MINDY2: variants seen among roughly 807,000 people sequenced by gnomAD.
MINDY2 encodes ubiquitin carboxyl-terminal hydrolase MINDY-2.
Under a neutral mutation model 68.2 loss-of-function variants are expected in MINDY2, and 52 were observed. That is an observed-to-expected ratio of 0.76 (90% confidence interval 0.61 to 0.96). MINDY2 has a LOEUF of 0.96. Among genes scored for constraint, MINDY2 ranks in the 40% least tolerant of loss-of-function variants. The pLI, the probability that MINDY2 is intolerant of heterozygous loss-of-function variation, is 0.00. For missense variants in MINDY2, 881 were observed against 773.4 expected, an observed-to-expected ratio of 1.14 and a Z score of -1.65; for synonymous variants, 372 against 303.0, an observed-to-expected ratio of 1.23 and a Z score of -2.36.
intron 1 of MINDY2, among the ~76,000 whole-genome samples, chr15:58,776,085 C>T (rs368546505): frequency 6.6e-6 from 1 of 152,138 alleles, no homozygotes; most frequent in East Asian, 1.9e-4. Flanking sequence ...GTCTCGAACT[C>T]CTGACCTCAG....
At chr15:58,842,119 A>G (rs201721647) in intron 6 of MINDY2, among the ~76,000 whole-genome samples, 4 of 151,950 alleles carry the variant, frequency 2.6e-5, no homozygotes, top group African/African-American at 7.3e-5. Context: ...CTCTTTTCCT[A>G]TTATGACTTC....
chr15:58,790,398 A>C (rs1404961949), intron 2 of MINDY2, among the ~76,000 whole-genome samples: 1 of 152,028 alleles, frequency 6.6e-6, no homozygotes, highest in African/African-American at 2.4e-5. Context: ...CACAAAGGGG[A>C]GTTGTAGGAG....
chr15:58,802,386 C>T lies in MINDY2; in HGVS notation c.963+9C>T. ...GTTTAAATTATGAACAGGTAATAAA[C>T]AGTTTTTGTTAAAGTATATAATTTT... On this transcript the variant is annotated intron_variant, in intron 3 of 8. Transcript: ENST00000559228. The T allele has an allele frequency of 6.5e-7, 1 of 1,539,316 alleles. No homozygotes were observed. The highest frequency in any genetic ancestry group is 8.8e-7 in the Non-Finnish European group (1 of 1,135,218).
chr15:58,780,162 T>C (rs1444777459), intron 1 of MINDY2, among the ~76,000 whole-genome samples: 1 of 152,110 alleles, frequency 6.6e-6, no homozygotes, highest in African/African-American at 2.4e-5. Flanking sequence ...CCCAGCACTT[T>C]GTGAGGCCGA....
intron 1 of MINDY2, among the ~76,000 whole-genome samples, chr15:58,782,809 A>G (rs1349570078): frequency 5.3e-5 from 8 of 151,622 alleles, no homozygotes; most frequent in African/African-American, 1.7e-4. Flanking sequence ...TATTCTTTGA[A>G]TGGAGGTAAT....
intron 8 of MINDY2, 89 bp downstream of exon 8, chr15:58,852,054 A>G (rs1402972183): frequency 1.2e-5 from 12 of 1,014,170 alleles, no homozygotes; most frequent in African/African-American, 1.7e-5. Flanking sequence ...TGGGAGGCTG[A>G]GGCAGGCAGA....
chr15:58,816,529 C>T (rs183693111), intron 4 of MINDY2, among the ~76,000 whole-genome samples: 1 of 152,166 alleles, frequency 6.6e-6, no homozygotes, highest in East Asian at 1.9e-4. Context: ...CCTCAGCCTC[C>T]CAAGTAGCTG....
chr15:58,852,836 G>A (rs1439987519), intron 8 of MINDY2, among the ~76,000 whole-genome samples: 1 of 148,786 alleles, frequency 6.7e-6, no homozygotes, highest in Non-Finnish European at 1.5e-5. Flanking sequence ...AAATTTAATG[G>A]TGGGATTCTA....
intron 2 of MINDY2, among the ~76,000 whole-genome samples, chr15:58,789,990 G>T (rs571028490): frequency 6.6e-6 from 1 of 151,994 alleles, no homozygotes; most frequent in South Asian, 2.1e-4. Flanking sequence ...TGTTTCCCAG[G>T]CTTGTCTTGA....
At chr15:58,809,435 C>A (rs533161461) in intron 3 of MINDY2, among the ~76,000 whole-genome samples, 234 of 151,952 alleles carry the variant, frequency 1.5e-3, no homozygotes, top group African/African-American at 5.1e-3. Context: ...GAATAATATT[C>A]CATTGTATGT....
intron 2 of MINDY2, among the ~76,000 whole-genome samples, chr15:58,791,105 A>AGGC (rs2140926753): frequency 6.7e-6 from 1 of 148,564 alleles, no homozygotes; most frequent in Admixed American, 6.8e-5. Context: ...GCTTGAACCC[A>AGGC]GGCGGCGGAG....
At chr15:58,830,199 C>T (rs189482368) in intron 5 of MINDY2, among the ~76,000 whole-genome samples, 1 of 152,264 alleles carries the variant, frequency 6.6e-6, no homozygotes, top group South Asian at 2.1e-4. Context: ...GAATGCTGAA[C>T]CACTGTCCCT....
At chr15:58,779,869 C>CT (rs1901022279) in intron 1 of MINDY2, among the ~76,000 whole-genome samples, 2 of 152,126 alleles carry the variant, frequency 1.3e-5, no homozygotes, top group South Asian at 2.1e-4. Context: ...TATGAGTAGT[C>CT]TTTTAGTTAA....
chr15:58,833,206 T>C (rs1196272544), intron 6 of MINDY2, among the ~76,000 whole-genome samples: 2 of 152,228 alleles, frequency 1.3e-5, no homozygotes, highest in African/African-American at 4.8e-5. Context: ...TAGCACTTCA[T>C]GCGTGGGGAT....
chr15:58,790,813 C>T (rs1166239639), intron 2 of MINDY2, among the ~76,000 whole-genome samples: 1 of 151,860 alleles, frequency 6.6e-6, no homozygotes, highest in Non-Finnish European at 1.5e-5. Context: ...AAAACTGAAG[C>T]AGGAAAAAAT....
chr15:58,836,952 G>A lies in MINDY2; in HGVS notation c.1368+5036G>A, dbSNP rs142500342. Reference sequence around the variant, plus strand: ...CATTCTTTATAAGGGTCAAAAGCACGTCTTCTTCACTGACCCAGTGACAGA... The same window carrying A: ...CATTCTTTATAAGGGTCAAAAGCACATCTTCTTCACTGACCCAGTGACAGA... On this transcript the variant is annotated intron_variant, in intron 6 of 8. Coordinates refer to ENST00000559228, the MANE Select transcript of MINDY2 (RefSeq NM_001040450.3). Among the ~76,000 whole-genome samples, 169 of 152,180 alleles carry A rather than the reference G, an allele frequency of 1.1e-3. 1 individual carries two copies. The East Asian group carries it at 0.031, about 28-fold the overall frequency.
At chr15:58,837,601 C>T (rs769667230) in intron 6 of MINDY2, among the ~76,000 whole-genome samples, 29 of 151,306 alleles carry the variant, frequency 1.9e-4, no homozygotes, top group Non-Finnish European at 2.9e-4. Flanking sequence ...ATCTACATTA[C>T]ATCTTCCATA....
chr15:58,796,734 G>A (rs1902311553), intron 2 of MINDY2, among the ~76,000 whole-genome samples: 1 of 152,174 alleles, frequency 6.6e-6, no homozygotes, highest in African/African-American at 2.4e-5. Context: ...TGTTGGCCGG[G>A]CTGGTCTTGA....
At chr15:58,831,021 G>T (rs1339106813) in intron 5 of MINDY2, among the ~76,000 whole-genome samples, 1 of 107,580 alleles carries the variant, frequency 9.3e-6, no homozygotes, top group Non-Finnish European at 1.6e-5. Context: ...TCAGTTGTGT[G>T]TGTGTGTGTG....
Sources: allele counts gnomAD v4.1 joint callset (sites outside exome capture counted in the v4.1 genomes callset), GRCh38; gene constraint gnomAD v4.1.1; transcripts MANE v1.5; gene names NCBI Gene and HGNC (gene_info 2026-07-23, HGNC 2026-07-21).